The following HDX variants were observed in gnomAD, a reference collection of about 807,000 sequenced individuals.
The protein encoded by HDX is highly divergent homeobox.
In HDX, 19 loss-of-function variants were observed where a neutral mutation model predicts 45.2. The ratio of observed to expected loss-of-function variants is 0.42; its 90% CI spans 0.29 to 0.62. The LOEUF is 0.62. Among genes scored for constraint, HDX ranks in the 20% least tolerant of loss-of-function variants. The pLI, the probability that HDX is intolerant of heterozygous loss-of-function variation, is 0.20. For synonymous variants in HDX, 188 were observed against 172.8 expected, an observed-to-expected ratio of 1.09 and a Z score of -0.69; for missense variants, 532 against 493.9, an observed-to-expected ratio of 1.08 and a Z score of -0.73.
chrX:84,375,718 G>A, intron 5 of HDX, among the ~76,000 whole-genome samples: 1 of 107,249 alleles, frequency 9.3e-6, no homozygotes, highest in East Asian at 3.0e-4. Context: ...CACAGGAAGG[G>A]GAACATCAAA....
intron 5 of HDX, among the ~76,000 whole-genome samples, chrX:84,375,810 G>T (rs2038040237): frequency 9.1e-6 from 1 of 110,052 alleles, no homozygotes; most frequent in Non-Finnish European, 1.9e-5. Context: ...CGAGTTAATG[G>T]GTGCAGCACA....
chrX:84,420,035 T>C (rs1003292921), intron 5 of HDX, among the ~76,000 whole-genome samples: 1 of 111,509 alleles, frequency 9.0e-6, no homozygotes, highest in African/African-American at 3.3e-5. Context: ...AAAGGACAGC[T>C]ACAAATAAGC....
At chrX:84,364,029 A>G (rs778192056) in intron 5 of HDX, among the ~76,000 whole-genome samples, 47 of 112,023 alleles carry the variant, frequency 4.2e-4, no homozygotes, top group Admixed American at 8.6e-4. Context: ...GTATAATAAT[A>G]GAAATCTTCT....
At chrX:84,417,472 A>G (rs1419048912) in intron 5 of HDX, among the ~76,000 whole-genome samples, 1 of 111,954 alleles carries the variant, frequency 8.9e-6, no homozygotes, top group Non-Finnish European at 1.9e-5. Context: ...GCCAAGAAAG[A>G]CTGTGACTCC....
intron 3 of HDX, among the ~76,000 whole-genome samples, chrX:84,474,739 A>G (rs1268694699): frequency 8.9e-6 from 1 of 112,348 alleles, no homozygotes; most frequent in Non-Finnish European, 1.9e-5. Flanking sequence ...TATGATTGTG[A>G]TAAAGAAAAA....
At chrX:84,375,809 G>T (rs1410782312) in intron 5 of HDX, among the ~76,000 whole-genome samples, 1 of 110,512 alleles carries the variant, frequency 9.0e-6, no homozygotes, top group Non-Finnish European at 1.9e-5. Flanking sequence ...ACGAGTTAAT[G>T]GGTGCAGCAC....
At chrX:84,384,501 C>T (rs1205104538) in intron 5 of HDX, among the ~76,000 whole-genome samples, 1 of 106,431 alleles carries the variant, frequency 9.4e-6, no homozygotes, top group African/African-American at 3.4e-5. Flanking sequence ...TAGTTAACTT[C>T]ACTGTGTAGA....
intron 5 of HDX, among the ~76,000 whole-genome samples, chrX:84,379,120 T>C (rs1290555359): frequency 9.1e-6 from 1 of 110,044 alleles, no homozygotes; most frequent in African/African-American, 3.3e-5. Context: ...CAATTATATA[T>C]ATAATCAAAT....
chrX:84,336,964 C>A (rs748492952), intron 7 of HDX, 84 bp from the exon 8 acceptor site: 17 of 607,346 alleles, frequency 2.8e-5, no homozygotes, highest in Non-Finnish European at 4.3e-5. Flanking sequence ...TAAATAATTT[C>A]TCTATTATAA....
chrX:84,402,891 CTAAAACGTG>C (rs1240744053), intron 5 of HDX, among the ~76,000 whole-genome samples: 1 of 111,132 alleles, frequency 9.0e-6, no homozygotes, highest in Non-Finnish European at 1.9e-5. Context: ...GCCTTTTAAT[CTAAAACGTG>C]TAAAATAAAA....
chrX:84,341,852 T>C (rs750660136), intron 7 of HDX, among the ~76,000 whole-genome samples: 1 of 110,078 alleles, frequency 9.1e-6, no homozygotes, highest in African/African-American at 3.3e-5. Context: ...TCGCCTCAGC[T>C]TTCCAAGTAG....
At chrX:84,389,696 C>G (rs1791657586) in intron 5 of HDX, among the ~76,000 whole-genome samples, 1 of 111,578 alleles carries the variant, frequency 9.0e-6, no homozygotes, top group African/African-American at 3.3e-5. Context: ...TCTTCTGGCT[C>G]AGAGGTCAGC....
At chrX:84,360,975 T>G (rs1478304220) in intron 6 of HDX, among the ~76,000 whole-genome samples, 1 of 111,894 alleles carries the variant, frequency 8.9e-6, no homozygotes, top group Non-Finnish European at 1.9e-5. Flanking sequence ...TAACTCTGTG[T>G]TAAACTTTTT....
intron 2 of HDX, among the ~76,000 whole-genome samples, chrX:84,479,966 G>A (rs1235480060): frequency 9.0e-6 from 1 of 111,179 alleles, no homozygotes; most frequent in African/African-American, 3.3e-5. Context: ...TCAGAAATAT[G>A]ATTTCCAATG....
At chrX:84,474,204 A>G (rs1227349540) in intron 3 of HDX, among the ~76,000 whole-genome samples, 1 of 111,812 alleles carries the variant, frequency 8.9e-6, no homozygotes, top group Admixed American at 9.5e-5. Flanking sequence ...AGGCAGGAGA[A>G]TCGCTTGAAC....
intron 2 of HDX, among the ~76,000 whole-genome samples, chrX:84,483,384 C>T (rs774941941): frequency 8.9e-6 from 1 of 112,492 alleles, no homozygotes; most frequent in South Asian, 3.7e-4. Flanking sequence ...GGTTCCCAAA[C>T]CTCAATTCTT....
chrX:84,370,550 C>T (rs1441983720), intron 5 of HDX, among the ~76,000 whole-genome samples: 2 of 112,260 alleles, frequency 1.8e-5, no homozygotes, highest in East Asian at 5.6e-4. Context: ...GGAGTTCTGG[C>T]ATCCAAATCC....
intron 5 of HDX, among the ~76,000 whole-genome samples, chrX:84,388,630 G>T (rs1198798945): frequency 9.0e-6 from 1 of 111,509 alleles, no homozygotes; most frequent in Admixed American, 9.5e-5. Flanking sequence ...AATTCTTGTG[G>T]TTTTTTTAGC....
At chrX:84,499,910 A>G in intron 1 of HDX, 1 of 112,459 alleles carries the variant, frequency 8.9e-6, no homozygotes, top group African/African-American at 3.2e-5. Flanking sequence ...GTACACATGA[A>G]AACTATCAGG....
Sources: gnomAD v4.1 joint callset for allele counts (sites outside exome capture counted in the v4.1 genomes callset) on GRCh38, gnomAD v4.1.1 for gene constraint, MANE v1.5 for transcripts, NCBI Gene and HGNC (gene_info 2026-07-23, HGNC 2026-07-21) for gene names.